CHL1: variants seen among roughly 807,000 people sequenced by gnomAD.
The protein encoded by CHL1 is cell adhesion molecule L1 like.
A neutral mutation model predicts 141.9 loss-of-function variants in CHL1; 96 were observed. The observed-to-expected ratio is 0.68, with a 90% confidence interval of 0.57 to 0.80. CHL1 has a LOEUF of 0.80. Ranked by LOEUF, CHL1 falls within the 30% of genes least tolerant of loss-of-function variation. The pLI is 0.00. For missense variants in CHL1, 1,820 were observed against 1,457.2 expected (o/e 1.25, Z -4.05); for synonymous variants, 613 against 502.2 (o/e 1.22, Z -2.95).
chr3:318,959 C>T (rs1299698809), intron 2 of CHL1, among the ~76,000 whole-genome samples: 1 of 151,524 alleles, frequency 6.6e-6, no homozygotes, highest in Non-Finnish European at 1.5e-5. Context: ...GTCATATACA[C>T]CATGGAATAC....
chr3:383,345 CA>C (rs1707288328), intron 18 of CHL1, among the ~76,000 whole-genome samples: 1 of 152,134 alleles, frequency 6.6e-6, no homozygotes, highest in African/African-American at 2.4e-5. Flanking sequence ...GACTACTGTA[CA>C]GGTTTTATTC....
intron 2 of CHL1, among the ~76,000 whole-genome samples, chr3:304,656 G>C (rs368839894): frequency 6.6e-6 from 1 of 151,896 alleles, no homozygotes; most frequent in Non-Finnish European, 1.5e-5. Flanking sequence ...TCTGGCTAGC[G>C]GTCTAACTAT....
rs915415638 is a variant in CHL1 at position 408,836 on chromosome 3, T to C, written c.*3125T>C. 6.6e-6 allele frequency: 1 copy of C among 152,086 alleles called. No homozygotes were observed. The highest frequency in any genetic ancestry group is 1.5e-5 in the Non-Finnish European group (1 of 67,990). The allele number at this position is 152,086 out of a possible 1,614,324, so 9.4% of individuals were successfully genotyped here. A position where few individuals can be genotyped will look rare whatever the true frequency, so the allele number is the denominator to read the frequency against. On this transcript the variant is annotated 3_prime_UTR_variant, in exon 28 of 28. Coordinates refer to ENST00000256509, the MANE Select transcript of CHL1 (RefSeq NM_006614.4). The stretch of plus-strand genomic sequence containing the variant: ...ATGTGAATTTGGTGGTTTTATTCTA[T>C]CGGTATAAAGGCATTGATATTTTAG...
intron 4 of CHL1, among the ~76,000 whole-genome samples, chr3:326,921 T>C (rs1575075861): frequency 1.3e-5 from 2 of 152,080 alleles, no homozygotes; most frequent in East Asian, 3.9e-4. Flanking sequence ...TGCTAAATTA[T>C]AATTATTTCT....
At chr3:344,990 A>G (rs181278971) in intron 9 of CHL1, among the ~76,000 whole-genome samples, 6 of 152,248 alleles carry the variant, frequency 3.9e-5, no homozygotes, top group Admixed American at 3.3e-4. Context: ...CCTCATCTAA[A>G]ATAAAATGAA....
At chr3:327,827 C>T (rs908095330) in intron 4 of CHL1, among the ~76,000 whole-genome samples, 2 of 151,812 alleles carry the variant, frequency 1.3e-5, no homozygotes, top group African/African-American at 4.8e-5. Context: ...TCCTTACACA[C>T]ACAAATACAT....
At chr3:403,215 T>C (rs1377295767) in intron 27 of CHL1, among the ~76,000 whole-genome samples, 1 of 152,208 alleles carries the variant, frequency 6.6e-6, no homozygotes, top group Non-Finnish European at 1.5e-5. Context: ...ATTCACAACA[T>C]GGCAGCTGGC....
At chr3:308,122 A>G (rs1699409335) in intron 2 of CHL1, among the ~76,000 whole-genome samples, 1 of 152,182 alleles carries the variant, frequency 6.6e-6, no homozygotes, top group African/African-American at 2.4e-5. Context: ...TACTTTAACG[A>G]GTATTTCAGA....
chr3:330,346 G>A (rs10510187), intron 5 of CHL1, among the ~76,000 whole-genome samples: 18,520 of 151,822 alleles, frequency 0.12, 1,425 homozygotes, highest in East Asian at 0.36. Flanking sequence ...TTATTTAGAG[G>A]GATCTTTATC....
intron 2 of CHL1, among the ~76,000 whole-genome samples, chr3:250,411 C>T (rs1693582232): frequency 6.6e-6 from 1 of 152,108 alleles, no homozygotes; most frequent in Admixed American, 6.6e-5. Context: ...ATTTAGGCTT[C>T]TAGGAGCAGT....
chr3:330,329 G>A (rs1017838615), intron 5 of CHL1, among the ~76,000 whole-genome samples: 8 of 152,060 alleles, frequency 5.3e-5, no homozygotes, highest in African/African-American at 1.4e-4. Context: ...TGAATGCAGT[G>A]AAAGCATTAT....
chr3:272,571 T>C (rs1224736838), intron 2 of CHL1, among the ~76,000 whole-genome samples: 1 of 152,224 alleles, frequency 6.6e-6, no homozygotes, highest in East Asian at 1.9e-4. Flanking sequence ...CCATGGCATT[T>C]TCAATTGCAA....
chr3:287,664 T>G lies in CHL1; in HGVS notation c.-94-32019T>G, dbSNP rs143395053. On this transcript the variant is annotated intron_variant, in intron 2 of 27. Coordinates refer to ENST00000256509, the MANE Select transcript of CHL1 (RefSeq NM_006614.4). Reference sequence around the variant, plus strand: ...TTAGTAAGATGCTTTAATTTACTGATAGCATGCTACTTATTAGTGTGTGCC... The same window carrying G: ...TTAGTAAGATGCTTTAATTTACTGAGAGCATGCTACTTATTAGTGTGTGCC... Among the ~76,000 whole-genome samples the G allele has an allele frequency of 2.8e-3, 430 of 152,340 alleles. 3 individuals are homozygous for G. The highest frequency in any genetic ancestry group is 9.7e-3 in the African/African-American group (403 of 41,584).
intron 2 of CHL1, among the ~76,000 whole-genome samples, chr3:251,037 T>C (rs1273100536): frequency 6.6e-6 from 1 of 152,086 alleles, no homozygotes; most frequent in Non-Finnish European, 1.5e-5. Context: ...CAAGTTATAA[T>C]GCAAACAAAT....
intron 1 of CHL1, among the ~76,000 whole-genome samples, chr3:238,679 C>A (rs1213309346): frequency 1.3e-5 from 2 of 151,944 alleles, no homozygotes; most frequent in African/African-American, 4.8e-5. Context: ...AATCCCAGCA[C>A]TTTGGGAGGC....
At position 326,015 on chromosome 3, in the gene CHL1, G is replaced by C; in HGVS notation, c.148G>C (p.Asp50His). 6.2e-7 allele frequency: 1 copy of C among 1,611,510 alleles called. No homozygotes were observed. The highest frequency in any genetic ancestry group is 8.5e-7 in the Non-Finnish European group (1 of 1,178,484). ...QSKVQVAFPF[D>H]EYFQIECEAK... Reference sequence around the variant, plus strand: ...AAAAGTCCAAGTTGCCTTTCCCTTCGATGAGTATTTTCAAATTGAATGTGA... The same window carrying C: ...AAAAGTCCAAGTTGCCTTTCCCTTCCATGAGTATTTTCAAATTGAATGTGA... The change falls in exon 4 of 28, where the codon GAT (aspartate) becomes CAT (histidine). Residue 50 changes from aspartate (D) to histidine (H), a missense_variant. Asp to His is a moderately conservative substitution (Grantham distance 81). Coordinates refer to ENST00000256509, the MANE Select transcript of CHL1 (RefSeq NM_006614.4).
chr3:253,157 C>T (rs1693853799), intron 2 of CHL1, among the ~76,000 whole-genome samples: 1 of 151,996 alleles, frequency 6.6e-6, no homozygotes, highest in Admixed American at 6.6e-5. Flanking sequence ...TTAATAGACA[C>T]ATTTCTATAA....
intron 5 of CHL1, among the ~76,000 whole-genome samples, chr3:335,050 A>G (rs1409753662): frequency 1.3e-5 from 2 of 152,230 alleles, no homozygotes; most frequent in Non-Finnish European, 2.9e-5. Context: ...AACTAATTAG[A>G]AATATTCATG....
At chr3:331,733 T>C (rs191154851) in intron 5 of CHL1, among the ~76,000 whole-genome samples, 40 of 152,304 alleles carry the variant, frequency 2.6e-4, no homozygotes, top group Admixed American at 7.2e-4. Context: ...TCATAAATAA[T>C]TTTACAAATC....
Sources: allele counts gnomAD v4.1 joint callset (sites outside exome capture counted in the v4.1 genomes callset), GRCh38; gene constraint gnomAD v4.1.1; transcripts MANE v1.5; gene names NCBI Gene and HGNC (gene_info 2026-07-23, HGNC 2026-07-21).